The following CDH1 variants were observed in gnomAD, a reference collection of about 807,000 sequenced individuals.
The protein encoded by CDH1 is cadherin-1.
CDH1 carries 35 observed loss-of-function variants against 84.5 expected under a neutral mutation model. The observed-to-expected ratio is 0.41, with a 90% confidence interval of 0.32 to 0.55. The LOEUF (loss-of-function observed/expected upper bound fraction) is 0.55, where lower values mean the gene tolerates loss of function less well. Among genes scored for constraint, CDH1 ranks in the 20% least tolerant of loss-of-function variants. CDH1 has a pLI of 0.19. For synonymous variants in CDH1, 417 were observed against 439.0 expected (o/e 0.95, Z 0.63); for missense variants, 994 against 1,126.6 (o/e 0.88, Z 1.68).
At chr16:68,828,359 A>G in intron 14 of CDH1, 55 bp downstream of exon 14, 2 of 1,591,302 alleles carry the variant, frequency 1.3e-6, no homozygotes, top group East Asian at 2.2e-5. Context: ...CGGAAGAAGC[A>G]ATGATTAGTA....
Position 68,808,519 on chromosome 16 carries a change from C to A in CDH1, c.483C>A (p.Ile161=), listed in dbSNP as rs779445240. The A allele has an allele frequency of 1.2e-6, 2 of 1,614,180 alleles. No individual in the cohort carries two copies. The highest frequency in any genetic ancestry group is 2.2e-5 in the South Asian group (2 of 91,084). The part of the protein sequence containing the change: ...RQKRDWVIPP[I]SCPENEKGPF... ...AGAGAGACTGGGTTATTCCTCCCAT[C>A]AGCTGCCCAGAAAATGAAAAAGGCC... Residue 161 remains isoleucine, a synonymous_variant, in exon 4 of 16, where the codon ATC becomes ATA. Coordinates refer to ENST00000261769, the MANE Select transcript of CDH1 (RefSeq NM_004360.5).
At chr16:68,775,679 A>G (rs1959713027) in intron 2 of CDH1, among the ~76,000 whole-genome samples, 1 of 152,254 alleles carries the variant, frequency 6.6e-6, no homozygotes, top group Admixed American at 6.5e-5. Flanking sequence ...TCCTTCCCCT[A>G]TAATAAAGCA....
chr16:68,801,867 C>A lies in CDH1; in HGVS notation c.361C>A (p.His121Asn), dbSNP rs1305026083. Reference sequence around the variant, plus strand: ...CAAAGTCACGCTGAATACAGTGGGGCACCACCACCGCCCCCCGCCCCATCA... The same window carrying A: ...CAAAGTCACGCTGAATACAGTGGGGAACCACCACCGCCCCCCGCCCCATCA... ...STKVTLNTVG[H>N]HHRPPPHQAS... is the part of the protein sequence containing the mutation. The change falls in exon 3 of 16, where the codon CAC becomes AAC. Residue 121 changes from histidine to asparagine, a missense_variant. His to Asn is a moderately conservative substitution (Grantham distance 68). This residue lies in a region of CDH1 where 203 missense variants were observed against 194.0 expected (regional missense o/e 1.05). Transcript: ENST00000261769. 1.2e-6 allele frequency: 2 copies of A among 1,614,070 alleles called. No individual in the cohort carries two copies. The highest frequency in any genetic ancestry group is 1.7e-6 in the Non-Finnish European group (2 of 1,179,950).
intron 2 of CDH1, among the ~76,000 whole-genome samples, chr16:68,769,356 A>G (rs900233142): frequency 1.3e-5 from 2 of 152,088 alleles, no homozygotes; most frequent in Non-Finnish European, 1.5e-5. Flanking sequence ...TCCTACTTCA[A>G]TGTCTGTTGG....
intron 5 of CDH1, among the ~76,000 whole-genome samples, chr16:68,809,921 C>T (rs1311645863): frequency 3.3e-5 from 5 of 152,190 alleles, no homozygotes; most frequent in Admixed American, 6.6e-5. Flanking sequence ...AAGAGTTTTT[C>T]AGGCCCGCAT....
intron 12 of CDH1, 44 bp downstream of exon 12, chr16:68,822,269 A>T (rs1439147395): frequency 7.6e-7 from 1 of 1,312,784 alleles, no homozygotes; most frequent in Non-Finnish European, 1.1e-6. Flanking sequence ...TCCAACTGCC[A>T]TGCTTCCCTT....
rs1960973015 is a variant in CDH1 at position 68,815,777 on chromosome 16, T to C, written c.1565+18T>C. 6.2e-7 allele frequency: 1 copy of C among 1,613,962 alleles called. No individual in the cohort carries two copies. Among genetic ancestry groups the C allele is most frequent in the African/African-American group, 1.3e-5 (1 of 74,948 alleles). On this transcript the variant is annotated intron_variant, in intron 10 of 15. Coordinates refer to ENST00000261769, the MANE Select transcript of CDH1 (RefSeq NM_004360.5). ...AAAATAACGTAAGTGTGAGGATTTTTCAACTGACTTGCAGCAACTGGTTAT... is the reference window on the plus strand; with the variant it reads ...AAAATAACGTAAGTGTGAGGATTTTCCAACTGACTTGCAGCAACTGGTTAT...
chr16:68,743,328 T>C (rs1251544618), intron 2 of CDH1, among the ~76,000 whole-genome samples: 22 of 26,188 alleles, frequency 8.4e-4, no homozygotes, highest in Non-Finnish European at 1.9e-3. Flanking sequence ...TCTTTCTTTC[T>C]TTCTTTCTTT....
chr16:68,810,088 G>A, intron 5 of CDH1, 109 bp from the exon 6 acceptor site: 1 of 1,132,860 alleles, frequency 8.8e-7, no homozygotes, highest in East Asian at 2.3e-5. Context: ...GGGTCTCAGA[G>A]CCTAGGAAGG....
At chr16:68,826,027 C>G (rs1961314176) in intron 13 of CDH1, among the ~76,000 whole-genome samples, 1 of 151,920 alleles carries the variant, frequency 6.6e-6, no homozygotes, top group Admixed American at 6.6e-5. Context: ...CTTATGTTGC[C>G]CAGGCTGGTC....
intron 2 of CDH1, among the ~76,000 whole-genome samples, chr16:68,798,655 C>T (rs1960423038): frequency 1.3e-5 from 2 of 152,188 alleles, no homozygotes; most frequent in African/African-American, 4.8e-5. Context: ...TCCAATCATG[C>T]TTGTCTCAAC....
chr16:68,761,290 T>G (rs887263672), intron 2 of CDH1, among the ~76,000 whole-genome samples: 7 of 152,160 alleles, frequency 4.6e-5, no homozygotes, highest in African/African-American at 1.7e-4. Context: ...TGGTCTAGGC[T>G]GATACATCAG....
intron 2 of CDH1, among the ~76,000 whole-genome samples, chr16:68,742,019 C>T (rs1962578791): frequency 6.6e-6 from 1 of 152,168 alleles, no homozygotes; most frequent in Admixed American, 6.5e-5. Flanking sequence ...CTTCATAGCA[C>T]ACACCGGTCT....
At chr16:68,797,949 T>G (rs573029952) in intron 2 of CDH1, among the ~76,000 whole-genome samples, 7 of 151,872 alleles carry the variant, frequency 4.6e-5, no homozygotes, top group South Asian at 4.2e-4. Context: ...CGTGGTGGTG[T>G]GCACCTGTAA....
intron 2 of CDH1, among the ~76,000 whole-genome samples, chr16:68,761,618 G>A (rs1181371516): frequency 6.6e-6 from 1 of 152,172 alleles, no homozygotes; most frequent in African/African-American, 2.4e-5. Context: ...GTGGAGACAG[G>A]TGTGTAGGAA....
intron 4 of CDH1, 40 bp from the exon 5 acceptor site, chr16:68,808,653 T>A (rs369025633): frequency 3.2e-5 from 52 of 1,613,412 alleles, no homozygotes; most frequent in Middle Eastern, 1.6e-4. Flanking sequence ...AGTGTTGGGA[T>A]CCTTCTTTAC....
intron 2 of CDH1, among the ~76,000 whole-genome samples, chr16:68,767,959 C>CTTT (rs11393793): frequency 1.4e-5 from 2 of 147,296 alleles, no homozygotes; most frequent in African/African-American, 2.5e-5. Flanking sequence ...ATTTTAATTA[C>CTTT]TTTTTTTTTT....
chr16:68,750,762 T>C (rs1255837025), intron 2 of CDH1, among the ~76,000 whole-genome samples: 2 of 151,056 alleles, frequency 1.3e-5, no homozygotes, highest in African/African-American at 4.9e-5. Context: ...TGGAGTACAG[T>C]GAAGCCATCT....
At chr16:68,774,336 A>G (rs1380812282) in intron 2 of CDH1, among the ~76,000 whole-genome samples, 1 of 152,188 alleles carries the variant, frequency 6.6e-6, no homozygotes, top group African/African-American at 2.4e-5. Flanking sequence ...CCTGGCCCAC[A>G]TGGTGAAACC....
Sources: allele counts gnomAD v4.1 joint callset (sites outside exome capture counted in the v4.1 genomes callset), GRCh38; gene constraint gnomAD v4.1.1; regional missense constraint gnomAD v4.1.1; transcripts MANE v1.5; gene names NCBI Gene and HGNC (gene_info 2026-07-23, HGNC 2026-07-21).